The following FYB2 variants were observed in gnomAD, a reference collection of about 807,000 sequenced individuals.
FYB2 encodes FYN-binding protein 2.
Under a neutral mutation model 94.1 loss-of-function variants are expected in FYB2, and 103 were observed. The observed-to-expected ratio is 1.09, with a 90% CI of 0.93 to 1.29. The LOEUF is 1.29. Ranked by LOEUF, FYB2 falls within the 50% of genes most tolerant of loss-of-function variation. The pLI is 0.00. For synonymous variants in FYB2, 293 were observed against 287.9 expected (o/e 1.02, Z -0.18); for missense variants, 896 against 841.5 (o/e 1.06, Z -0.80).
intron 2 of FYB2, 58 bp downstream of exon 2, chr1:56,791,998 G>A: frequency 6.6e-7 from 1 of 1,512,072 alleles, no homozygotes; most frequent in Non-Finnish European, 8.8e-7. Context: ...AGGTTTTCAA[G>A]TAGAAAAACA....
chr1:56,796,610 C>T (rs1402805071), intron 1 of FYB2, among the ~76,000 whole-genome samples: 2 of 152,124 alleles, frequency 1.3e-5, no homozygotes, highest in Non-Finnish European at 2.9e-5. Flanking sequence ...AATTTAGCAT[C>T]CTCAAAGCTT....
intron 1 of FYB2, among the ~76,000 whole-genome samples, chr1:56,793,699 A>G (rs1646327980): frequency 6.6e-6 from 1 of 151,488 alleles, no homozygotes; most frequent in Non-Finnish European, 1.5e-5. Flanking sequence ...CCCATGTAAC[A>G]AACATGTGCC....
chr1:56,805,061 T>G (rs985046872), intron 1 of FYB2, among the ~76,000 whole-genome samples: 1 of 152,202 alleles, frequency 6.6e-6, no homozygotes, highest in African/African-American at 2.4e-5. Flanking sequence ...TACCAATCCC[T>G]CCGAGCAGCT....
chr1:56,766,340 T>C (rs772340948), intron 5 of FYB2, among the ~76,000 whole-genome samples: 139 of 152,218 alleles, frequency 9.1e-4, no homozygotes, highest in Non-Finnish European at 1.6e-3. Context: ...GCTCTTCCTA[T>C]GGCTAGTATT....
intron 1 of FYB2, among the ~76,000 whole-genome samples, chr1:56,805,065 A>T (rs1557666933): frequency 1.3e-5 from 2 of 152,132 alleles, no homozygotes; most frequent in African/African-American, 4.8e-5. Flanking sequence ...AATCCCTCCG[A>T]GCAGCTTTTT....
intron 11 of FYB2, among the ~76,000 whole-genome samples, 171 bp from the exon 12 acceptor site, chr1:56,742,392 T>C (rs1330186316): frequency 6.6e-6 from 1 of 152,082 alleles, no homozygotes; most frequent in African/African-American, 2.4e-5. Flanking sequence ...ATGGTAAAAA[T>C]ACTTAAACCT....
intron 4 of FYB2, among the ~76,000 whole-genome samples, chr1:56,781,336 C>T (rs939422486): frequency 6.6e-6 from 1 of 152,082 alleles, no homozygotes; most frequent in African/African-American, 2.4e-5. Context: ...TCCTAGATTC[C>T]TCTCTTTCCC....
At position 56,719,601 on chromosome 1, in the gene FYB2, T is replaced by G; in HGVS notation, c.*70A>C. On this transcript the variant is annotated 3_prime_UTR_variant, in exon 20 of 20. Transcript: ENST00000343433. ...ATTTTGACATGTAAACTGAAACTGA[T>G]GTAACGCAGGACTAGGATCTTAGGA... 7.4e-7 allele frequency: 1 copy of G among 1,352,314 alleles called. No homozygotes were observed. The highest frequency in any genetic ancestry group is 1.4e-5 in the South Asian group (1 of 71,998). The allele number at this position is 1,352,314 out of a possible 1,614,324, so 83.8% of individuals were successfully genotyped here. A position where few individuals can be genotyped will look rare whatever the true frequency, so the allele number is the denominator to read the frequency against.
At chr1:56,767,079 T>C (rs371901457) in intron 5 of FYB2, among the ~76,000 whole-genome samples, 9 of 152,336 alleles carry the variant, frequency 5.9e-5, no homozygotes, top group African/African-American at 2.2e-4. Context: ...CAAACCACTC[T>C]ATCAGCAGGG....
intron 1 of FYB2, among the ~76,000 whole-genome samples, chr1:56,797,802 GACA>G (rs562091584): frequency 6.4e-4 from 98 of 152,196 alleles, no homozygotes; most frequent in Non-Finnish European, 1.2e-3. Flanking sequence ...TATCTGCAAC[GACA>G]ACAACAAAAC....
At chr1:56,796,248 C>G (rs35302663) in intron 1 of FYB2, among the ~76,000 whole-genome samples, 1 of 151,970 alleles carries the variant, frequency 6.6e-6, no homozygotes, top group Non-Finnish European at 1.5e-5. Flanking sequence ...AGATGTGATG[C>G]CTTTTGTTTT....
chr1:56,740,706 TC>T lies in FYB2; in HGVS notation c.1693del (p.Glu565LysfsTer3). On this transcript the variant is annotated frameshift_variant, in exon 13 of 20. Transcript: ENST00000343433. LOFTEE classifies it high-confidence loss of function. ...RFKIKKTKSK[E>X]NLSAFSILLP... The stretch of plus-strand genomic sequence containing the variant: ...TAAAGGGACTTTTTACCTTAAGTTT[TC>T]TTTCGACTTGGTTTTCTTTATTTTA... The T allele has an allele frequency of 6.3e-7, 1 of 1,592,750 alleles. No homozygotes were observed.
At chr1:56,750,970 A>G in intron 9 of FYB2, 74 bp downstream of exon 9, 1 of 1,497,270 alleles carries the variant, frequency 6.7e-7, no homozygotes, top group Non-Finnish European at 9.1e-7. Context: ...GGTAAAATAA[A>G]TTAAAATTTT....
At chr1:56,817,712 T>C (rs546476629) in intron 1 of FYB2, among the ~76,000 whole-genome samples, 2 of 152,328 alleles carry the variant, frequency 1.3e-5, no homozygotes, top group South Asian at 4.1e-4. Context: ...ACCACTCTTA[T>C]TTCTCTCTTG....
intron 4 of FYB2, among the ~76,000 whole-genome samples, chr1:56,768,587 G>A (rs1383132338): frequency 6.6e-6 from 1 of 152,102 alleles, no homozygotes; most frequent in Non-Finnish European, 1.5e-5. Flanking sequence ...GAGACACAAA[G>A]CCAAAATTGA....
intron 17 of FYB2, among the ~76,000 whole-genome samples, chr1:56,721,441 A>G (rs1475165060): frequency 6.6e-6 from 1 of 152,110 alleles, no homozygotes; most frequent in East Asian, 1.9e-4. Flanking sequence ...AAATGAGATC[A>G]GAAATACAAG....
intron 1 of FYB2, among the ~76,000 whole-genome samples, chr1:56,801,766 T>G (rs575245487): frequency 6.6e-6 from 1 of 152,300 alleles, no homozygotes; most frequent in East Asian, 1.9e-4. Flanking sequence ...TGTACCCAGA[T>G]TGGGTTCCAT....
rs747784144 is a variant in FYB2, at chr1:56,753,859, A to G, written c.1207T>C (p.Tyr403His). ...GGTACCTTGAAAACATGGTTTGAAT[A>G]TGGTTCCTTTTCTGTGTTTTTAGGT... ...LKPKNTEKEP[Y>H]SNHVFKVDAC... is the part of the protein sequence containing the mutation. The change falls in exon 8 of 20, where the codon TAT becomes CAT. Residue 403 changes from tyrosine to histidine, a missense_variant. Tyr to His is a moderately conservative substitution (Grantham distance 83). Transcript: ENST00000343433. 10 of 1,609,288 alleles carry G rather than the reference A, an allele frequency of 6.2e-6. No homozygotes were observed. The South Asian group carries it at 9.9e-5, about 16-fold the overall frequency.
chr1:56,767,735 T>G, intron 5 of FYB2, 94 bp downstream of exon 5: 1 of 978,914 alleles, frequency 1.0e-6, no homozygotes, highest in Admixed American at 2.3e-5. Context: ...GGCTGTGCAT[T>G]TTTAAACTTA....
Sources: allele counts gnomAD v4.1 joint callset (sites outside exome capture counted in the v4.1 genomes callset), GRCh38; gene constraint gnomAD v4.1.1; transcripts MANE v1.5; gene names NCBI Gene and HGNC (gene_info 2026-07-23, HGNC 2026-07-21).